SHISA9: variants seen among roughly 807,000 people sequenced by gnomAD.
The protein encoded by SHISA9 is shisa family member 9.
Under a neutral mutation model 38.0 loss-of-function variants are expected in SHISA9, and 13 were observed. The ratio of observed to expected loss-of-function variants is 0.34; its 90% CI spans 0.22 to 0.54. The LOEUF is 0.54. Ranked by LOEUF, SHISA9 falls within the 20% of genes least tolerant of loss-of-function variation. The pLI, the probability that SHISA9 is intolerant of heterozygous loss-of-function variation, is 0.91. For missense variants in SHISA9, 538 were observed against 575.8 expected (o/e 0.93, Z 0.67); for synonymous variants, 275 against 242.0 (o/e 1.14, Z -1.27).
At chr16:13,319,135 G>A in the SHISA9 span, among the ~76,000 whole-genome samples, 1 of 152,334 alleles carries the variant, frequency 6.6e-6, no homozygotes, top group East Asian at 1.9e-4. Flanking sequence ...AGCCTCCCGA[G>A]TAGCTGGGAC....
rs190878321 is a variant in SHISA9, at chr16:13,194,092, C to A, written c.692-9302C>A. Among the ~76,000 whole-genome samples the A allele has an allele frequency of 1.1e-4, 16 of 152,250 alleles. No individual in the cohort carries two copies. In the East Asian group the frequency reaches 2.5e-3, roughly 24 times the overall value. Reference sequence around the variant, plus strand: ...CCTCCTCTCTCTTTCTTTTCCTTCTCACATCCCCCCAAGAACTGGAGGAGT... The same window carrying A: ...CCTCCTCTCTCTTTCTTTTCCTTCTAACATCCCCCCAAGAACTGGAGGAGT... On this transcript the variant is annotated intron_variant, in intron 2 of 4. Transcript: ENST00000558583.
intron 2 of SHISA9, among the ~76,000 whole-genome samples, chr16:13,089,861 T>C (rs1019418973): frequency 1.3e-5 from 2 of 152,204 alleles, no homozygotes; most frequent in Non-Finnish European, 2.9e-5. Context: ...ATTTGTTTGC[T>C]CTTGCTTCTC....
chr16:13,411,144 T>C, the SHISA9 span, among the ~76,000 whole-genome samples: 1 of 152,200 alleles, frequency 6.6e-6, no homozygotes, highest in Non-Finnish European at 1.5e-5. Flanking sequence ...TTAGCCAATC[T>C]CCTAACTTGA....
At chr16:12,938,994 A>G (rs1036271262) in intron 2 of SHISA9, among the ~76,000 whole-genome samples, 2 of 152,108 alleles carry the variant, frequency 1.3e-5, no homozygotes, top group Non-Finnish European at 2.9e-5. Context: ...TTGAGTTAGT[A>G]CATTCAGATG....
the SHISA9 span, among the ~76,000 whole-genome samples, chr16:13,450,146 G>C: frequency 6.6e-6 from 1 of 152,056 alleles, no homozygotes; most frequent in African/African-American, 2.4e-5. Flanking sequence ...CTCGCCAAAG[G>C]CAATTCCTAC....
intron 2 of SHISA9, among the ~76,000 whole-genome samples, chr16:12,930,901 G>A (rs1189611743): frequency 3.9e-5 from 6 of 152,108 alleles, no homozygotes; most frequent in Admixed American, 3.9e-4. Flanking sequence ...CCTATAATAA[G>A]GCAATCATCC....
intron 2 of SHISA9, among the ~76,000 whole-genome samples, chr16:12,987,157 TAAAG>T (rs1022345231): frequency 4.6e-5 from 7 of 152,202 alleles, no homozygotes; most frequent in African/African-American, 1.7e-4. Flanking sequence ...TTGATGGGGC[TAAAG>T]AGCTGTTGTC....
intron 2 of SHISA9, among the ~76,000 whole-genome samples, chr16:12,990,291 A>T (rs1005273244): frequency 3.9e-5 from 6 of 152,190 alleles, no homozygotes; most frequent in Admixed American, 6.5e-5. Flanking sequence ...TCCTTTGGGC[A>T]TATACCCAGT....
intron 2 of SHISA9, among the ~76,000 whole-genome samples, chr16:13,081,340 A>G (rs1267465567): frequency 1.3e-5 from 2 of 152,160 alleles, no homozygotes; most frequent in Middle Eastern, 3.2e-3. Context: ...AGATGATGAG[A>G]TGGCAAAGAC....
At chr16:13,056,436 G>A (rs1337459308) in intron 2 of SHISA9, among the ~76,000 whole-genome samples, 1 of 152,156 alleles carries the variant, frequency 6.6e-6, no homozygotes, top group East Asian at 1.9e-4. Context: ...GATCTGTGTT[G>A]ATCCATCTCT....
chr16:13,533,308 A>G, the SHISA9 span, among the ~76,000 whole-genome samples: 1 of 152,184 alleles, frequency 6.6e-6, no homozygotes, highest in Non-Finnish European at 1.5e-5. Context: ...GATTAAACCC[A>G]GTACTTCACC....
At chr16:13,194,374 G>C (rs2050916950) in intron 2 of SHISA9, among the ~76,000 whole-genome samples, 1 of 152,206 alleles carries the variant, frequency 6.6e-6, no homozygotes, top group African/African-American at 2.4e-5. Flanking sequence ...TAAGTCCACA[G>C]ATTCTAGAGT....
the SHISA9 span, among the ~76,000 whole-genome samples, chr16:13,321,998 G>A: frequency 8.5e-5 from 13 of 152,126 alleles, no homozygotes; most frequent in Admixed American, 5.2e-4. Context: ...CTCACTAAAC[G>A]ACACAATAAA....
chr16:13,050,708 C>A (rs985703153), intron 2 of SHISA9, among the ~76,000 whole-genome samples: 1 of 152,222 alleles, frequency 6.6e-6, no homozygotes, highest in Non-Finnish European at 1.5e-5. Context: ...TAGAATCTAA[C>A]TGGGGAAGCC....
At chr16:13,029,887 C>G (rs1285919897) in intron 2 of SHISA9, among the ~76,000 whole-genome samples, 1 of 152,170 alleles carries the variant, frequency 6.6e-6, no homozygotes, top group Non-Finnish European at 1.5e-5. Context: ...CCTAGAGGGT[C>G]AAATCTCAGC....
chr16:13,012,184 C>G lies in SHISA9; in HGVS notation c.691+95369C>G, dbSNP rs889329492. ...ATAAGTGAGATCACACAATATTTGT[C>G]TTTCTGTGTCTGGCTTATTTCCCTT... On this transcript the variant is annotated intron_variant, in intron 2 of 4. Coordinates refer to ENST00000558583, the MANE Select transcript of SHISA9 (RefSeq NM_001145204.3). Among the ~76,000 whole-genome samples, 4 of 151,860 alleles carry G rather than the reference C, an allele frequency of 2.6e-5. No individual in the cohort carries two copies. The East Asian group carries it at 7.7e-4, about 29-fold the overall frequency.
chr16:13,329,389 G>A, the SHISA9 span, among the ~76,000 whole-genome samples: 1 of 152,088 alleles, frequency 6.6e-6, no homozygotes, highest in Non-Finnish European at 1.5e-5. Flanking sequence ...TGAACCCTGG[G>A]TATTTACCTC....
chr16:13,319,837 G>A, the SHISA9 span, among the ~76,000 whole-genome samples: 2 of 150,162 alleles, frequency 1.3e-5, no homozygotes, highest in Non-Finnish European at 1.5e-5. Flanking sequence ...GGAACAGAAC[G>A]CATGTGGCTT....
chr16:12,942,917 G>T (rs1387964642), intron 2 of SHISA9, among the ~76,000 whole-genome samples: 1 of 152,170 alleles, frequency 6.6e-6, no homozygotes, highest in Non-Finnish European at 1.5e-5. Flanking sequence ...TGTTCTCGGG[G>T]CTCTGACTTT....
Sources: gnomAD v4.1 joint callset for allele counts (sites outside exome capture counted in the v4.1 genomes callset) on GRCh38, gnomAD v4.1.1 for gene constraint, MANE v1.5 for transcripts, NCBI Gene and HGNC (gene_info 2026-07-23, HGNC 2026-07-21) for gene names.